The following DRC3 variants were observed in gnomAD, a reference collection of about 807,000 sequenced individuals.
DRC3 encodes dynein regulatory complex subunit 3, also known as leucine rich repeat containing 48.
DRC3 carries 45 observed loss-of-function variants against 57.6 expected under a neutral mutation model. The ratio of observed to expected loss-of-function variants is 0.78; its 90% CI spans 0.62 to 1.00. DRC3 has a LOEUF of 1.00. DRC3 is among the 50% of genes least tolerant of loss of function. The pLI is 0.00. For missense variants in DRC3, 655 were observed against 675.2 expected (o/e 0.97, Z 0.33); for synonymous variants, 257 against 272.3 (o/e 0.94, Z 0.55).
intron 4 of DRC3, among the ~76,000 whole-genome samples, chr17:17,987,605 G>A (rs997157308): frequency 2.6e-5 from 4 of 152,150 alleles, no homozygotes; most frequent in African/African-American, 4.8e-5. Context: ...TGTCTACCCC[G>A]ACCCCCAAGG....
chr17:17,978,560 C>CG (rs1202350215), intron 3 of DRC3, among the ~76,000 whole-genome samples: 1 of 152,134 alleles, frequency 6.6e-6, no homozygotes, highest in Non-Finnish European at 1.5e-5. Context: ...CTAGGCTGGC[C>CG]GGCATCCAGT....
At chr17:17,988,125 C>G (rs766828027) in intron 5 of DRC3, 27 bp downstream of exon 5, 2 of 1,606,344 alleles carry the variant, frequency 1.2e-6, no homozygotes, top group Non-Finnish European at 1.7e-6. Context: ...CCCGCCCTCA[C>G]GCACACCTGC....
intron 1 of DRC3, among the ~76,000 whole-genome samples, chr17:17,973,441 G>C (rs540367584): frequency 1.1e-4 from 16 of 152,202 alleles, no homozygotes; most frequent in Non-Finnish European, 1.9e-4. Context: ...TACGACTTTG[G>C]ACAAGTTCCT....
chr17:17,998,982 C>T (rs1365773215), intron 9 of DRC3, among the ~76,000 whole-genome samples: 3 of 152,194 alleles, frequency 2.0e-5, no homozygotes, highest in African/African-American at 4.8e-5. Context: ...TGGCAGTTGT[C>T]CCCTCTGGAC....
rs112951971 is a variant in DRC3, at chr17:18,000,572, A to G, written c.999+2938A>G. Among the ~76,000 whole-genome samples, 666 of 152,184 alleles carry G rather than the reference A, an allele frequency of 4.4e-3. 7 individuals are homozygous for G. Among genetic ancestry groups the G allele is most frequent in the African/African-American group, 0.015 (636 of 41,512 alleles). ...CAACCTTTTGCTCTTTTAGTGTTCCACTGAATAAGTTGGTGCAAGTTTGAC... is the reference window on the plus strand; with the variant it reads ...CAACCTTTTGCTCTTTTAGTGTTCCGCTGAATAAGTTGGTGCAAGTTTGAC... On this transcript the variant is annotated intron_variant, in intron 9 of 13. Coordinates refer to ENST00000399187, the MANE Select transcript of DRC3 (RefSeq NM_031294.4).
chr17:18,006,124 T>C, intron 10 of DRC3, 59 bp from the exon 11 acceptor site: 1 of 1,310,308 alleles, frequency 7.6e-7, no homozygotes, highest in East Asian at 2.3e-5. Context: ...GAGGAGTACC[T>C]TTTGCTCTGT....
chr17:17,977,454 G>T, intron 2 of DRC3, 128 bp from the exon 3 acceptor site: 1 of 1,117,352 alleles, frequency 8.9e-7, no homozygotes, highest in Non-Finnish European at 1.3e-6. Flanking sequence ...AGCAGACCCA[G>T]GGCTGGGCGT....
chr17:18,015,437 T>C (rs577733965), intron 12 of DRC3: 3 of 152,472 alleles, frequency 2.0e-5, no homozygotes, highest in East Asian at 1.9e-4. Flanking sequence ...CAGGCAACAA[T>C]AGCCACAGTG....
intron 5 of DRC3, among the ~76,000 whole-genome samples, chr17:17,988,669 T>G (rs1298299535): frequency 1.3e-5 from 2 of 152,198 alleles, no homozygotes; most frequent in African/African-American, 2.4e-5. Flanking sequence ...GCTCCTGGCT[T>G]GCTTCTGCAA....
At chr17:18,004,782 TC>T (rs949783561) in intron 10 of DRC3, 10 of 353,210 alleles carry the variant, frequency 2.8e-5, no homozygotes, top group Admixed American at 8.6e-5. Flanking sequence ...CCTGGAGCTA[TC>T]CGGGTACTCT....
chr17:17,983,233 T>G (rs545149756), intron 3 of DRC3, among the ~76,000 whole-genome samples: 2 of 152,348 alleles, frequency 1.3e-5, no homozygotes, highest in African/African-American at 4.8e-5. Context: ...TATGGACATT[T>G]GGGAGCTTTT....
intron 12 of DRC3, among the ~76,000 whole-genome samples, chr17:18,013,884 A>G (rs1399906549): frequency 1.3e-5 from 2 of 152,040 alleles, no homozygotes; most frequent in African/African-American, 4.8e-5. Flanking sequence ...AAACATCACT[A>G]TGTACCCCAT....
chr17:17,994,430 G>C lies in DRC3; in HGVS notation c.711+12G>C, dbSNP rs1432664553. 16 of 1,550,350 alleles carry C rather than the reference G, an allele frequency of 1.0e-5. No homozygotes were observed. The East Asian group carries it at 3.9e-4, about 38-fold the overall frequency. On this transcript the variant is annotated intron_variant, in intron 7 of 13. Coordinates refer to ENST00000399187, the MANE Select transcript of DRC3 (RefSeq NM_031294.4). ...TAGAGAAGCACAAGGTACCGTTCCG[G>C]CAGGCTGCACGCCCTCGGCCCCCTC...
In DRC3 at chr17:17,996,987, TC is replaced by T. The variant is rs367893438; in HGVS notation, c.825-469del. On this transcript the variant is annotated intron_variant, in intron 8 of 13. Transcript: ENST00000399187. ...CAGTGGCAGAGCCAGGACTTGAACA[TC>T]CCCAGCACAGCTACAGCAGCTGAGC... is the stretch of plus-strand genomic sequence containing the variant. Among the ~76,000 whole-genome samples the T allele has an allele frequency of 8.5e-4, 130 of 152,180 alleles. 3 individuals are homozygous for T. The South Asian group carries it at 0.025, about 30-fold the overall frequency.
rs557283975 is a variant in DRC3 at position 17,984,235 on chromosome 17, G to T, written c.277+291G>T. Among the ~76,000 whole-genome samples the T allele has an allele frequency of 4.6e-5, 7 of 152,308 alleles. No homozygotes were observed. In the South Asian group the frequency reaches 1.5e-3, roughly 32 times the overall value. Reference sequence around the variant, plus strand: ...GGATGGGGTACAAAGGGGCAGCTGTGGACTCCTATTTAATCTAGACTCAGG... The same window carrying T: ...GGATGGGGTACAAAGGGGCAGCTGTTGACTCCTATTTAATCTAGACTCAGG... On this transcript the variant is annotated intron_variant, in intron 4 of 13. Coordinates refer to ENST00000399187, the MANE Select transcript of DRC3 (RefSeq NM_031294.4).
chr17:18,005,546 G>A (rs2043917050), intron 10 of DRC3: 1 of 152,418 alleles, frequency 6.6e-6, no homozygotes, highest in African/African-American at 2.4e-5. Context: ...GCCTTGCTAA[G>A]CACCACAAAA....
At chr17:17,992,628 C>A in intron 5 of DRC3, 137 bp from the exon 6 acceptor site, 1 of 910,958 alleles carries the variant, frequency 1.1e-6, no homozygotes, top group Non-Finnish European at 1.6e-6. Context: ...CGCCTGCACA[C>A]TGCCTGTCAC....
intron 9 of DRC3, among the ~76,000 whole-genome samples, chr17:17,999,589 C>T (rs935941186): frequency 8.5e-5 from 13 of 152,186 alleles, no homozygotes; most frequent in Non-Finnish European, 8.8e-5. Context: ...TCCAGGTGCC[C>T]AGTGAGTCAC....
At chr17:17,995,398 A>G (rs1198916406) in intron 8 of DRC3, among the ~76,000 whole-genome samples, 1 of 152,188 alleles carries the variant, frequency 6.6e-6, no homozygotes, top group African/African-American at 2.4e-5. Context: ...AATGGATTGA[A>G]ATGTGTTCTC....
Sources: allele counts gnomAD v4.1 joint callset (sites outside exome capture counted in the v4.1 genomes callset), GRCh38; gene constraint gnomAD v4.1.1; transcripts MANE v1.5; gene names NCBI Gene and HGNC (gene_info 2026-07-23, HGNC 2026-07-21).